Variants in FBXL17 observed in about 807,000 individuals in gnomAD.
FBXL17 encodes F-box/LRR-repeat protein 17.
A neutral mutation model predicts 66.2 loss-of-function variants in FBXL17; 22 were observed. That is an observed-to-expected ratio of 0.33 (90% CI 0.24 to 0.47). The LOEUF is 0.47. Among genes scored for constraint, FBXL17 ranks in the 20% least tolerant of loss-of-function variants. The pLI, the probability that FBXL17 is intolerant of heterozygous loss-of-function variation, is 1.00. For missense variants in FBXL17, 878 were observed against 948.2 expected (o/e 0.93, Z 0.97); for synonymous variants, 474 against 400.5 (o/e 1.18, Z -2.19).
intron 7 of FBXL17, among the ~76,000 whole-genome samples, chr5:107,921,865 G>C (rs904435170): frequency 6.6e-6 from 1 of 152,186 alleles, no homozygotes; most frequent in Non-Finnish European, 1.5e-5. Context: ...AGCACTTGCT[G>C]AATATAAAGC....
chr5:108,257,036 C>T (rs533086009), intron 4 of FBXL17, among the ~76,000 whole-genome samples: 1 of 152,300 alleles, frequency 6.6e-6, no homozygotes, highest in Non-Finnish European at 1.5e-5. Flanking sequence ...AGTTACCAGC[C>T]TCTGGCTGAA....
intron 7 of FBXL17, among the ~76,000 whole-genome samples, chr5:107,929,691 C>T (rs1396167362): frequency 6.6e-6 from 1 of 151,906 alleles, no homozygotes; most frequent in Non-Finnish European, 1.5e-5. Flanking sequence ...ATCCAGAGGA[C>T]CCCATAATGT....
At chr5:108,061,689 C>A (rs927366948) in intron 6 of FBXL17, among the ~76,000 whole-genome samples, 1 of 152,108 alleles carries the variant, frequency 6.6e-6, no homozygotes, top group African/African-American at 2.4e-5. Context: ...GACAAGAATG[C>A]ACTAGTACCT....
At chr5:107,879,140 C>T (rs1225449317) in intron 8 of FBXL17, 1 of 985,106 alleles carries the variant, frequency 1.0e-6, no homozygotes, top group African/African-American at 1.7e-5. Context: ...TAACATACAA[C>T]TTCTACAGTG....
chr5:108,369,337 T>G (rs1225025338), intron 1 of FBXL17, among the ~76,000 whole-genome samples: 1 of 152,186 alleles, frequency 6.6e-6, no homozygotes, highest in Non-Finnish European at 1.5e-5. Context: ...CGAACCAATG[T>G]ATATCTTATG....
intron 6 of FBXL17, among the ~76,000 whole-genome samples, chr5:108,159,146 C>T (rs989822534): frequency 6.6e-6 from 1 of 152,080 alleles, no homozygotes; most frequent in Admixed American, 6.6e-5. Flanking sequence ...GACAGTTACT[C>T]TAAACAGAGA....
intron 6 of FBXL17, among the ~76,000 whole-genome samples, chr5:108,174,579 T>A (rs1752722501): frequency 6.6e-6 from 1 of 152,124 alleles, no homozygotes. Flanking sequence ...ACCAGATAAT[T>A]GTTCTAATGT....
chr5:108,192,778 C>T (rs528398547), intron 5 of FBXL17, among the ~76,000 whole-genome samples: 13 of 151,796 alleles, frequency 8.6e-5, no homozygotes, highest in Non-Finnish European at 1.2e-4. Flanking sequence ...GGTGACAGAG[C>T]GAGATGAAAG....
At chr5:108,209,354 G>C (rs148922101) in intron 5 of FBXL17, among the ~76,000 whole-genome samples, 1,948 of 152,240 alleles carry the variant, frequency 0.013, 35 homozygotes, top group African/African-American at 0.043. Flanking sequence ...ATGTTGAAGA[G>C]GAGTGGTGAG....
At chr5:108,006,969 G>A (rs796684463) in intron 7 of FBXL17, among the ~76,000 whole-genome samples, 9 of 152,306 alleles carry the variant, frequency 5.9e-5, no homozygotes, top group African/African-American at 2.2e-4. Flanking sequence ...AAGACATCAG[G>A]AGCGTTCTTA....
At chr5:108,185,570 T>G (rs1232566221) in intron 6 of FBXL17, among the ~76,000 whole-genome samples, 4 of 152,084 alleles carry the variant, frequency 2.6e-5, no homozygotes, top group Non-Finnish European at 5.9e-5. Flanking sequence ...AATGCTAGAA[T>G]GGGCTAATAT....
At chr5:108,032,826 C>T (rs1277701753) in intron 6 of FBXL17, among the ~76,000 whole-genome samples, 1 of 152,098 alleles carries the variant, frequency 6.6e-6, no homozygotes, top group Admixed American at 6.6e-5. Flanking sequence ...GAAACTAATA[C>T]AGTGTCTAAG....
At chr5:108,184,349 C>G (rs1304839921) in intron 6 of FBXL17, among the ~76,000 whole-genome samples, 1 of 152,054 alleles carries the variant, frequency 6.6e-6, no homozygotes, top group Non-Finnish European at 1.5e-5. Context: ...CTCTATCACC[C>G]AGGCTGGAGT....
At chr5:108,302,070 A>G (rs572605452) in intron 4 of FBXL17, 1 of 978,764 alleles carries the variant, frequency 1.0e-6, no homozygotes, top group Non-Finnish European at 1.2e-6. Flanking sequence ...TCTGAAAAAC[A>G]TGCCACAAAT....
chr5:108,095,010 T>C (rs1392380565), intron 6 of FBXL17, among the ~76,000 whole-genome samples: 1 of 152,098 alleles, frequency 6.6e-6, no homozygotes, highest in Non-Finnish European at 1.5e-5. Flanking sequence ...AAAAACTTGC[T>C]TCTCTGGCCA....
intron 1 of FBXL17, among the ~76,000 whole-genome samples, chr5:108,376,985 TGTCCTGGGCA>T (rs1749470756): frequency 6.6e-6 from 1 of 152,158 alleles, no homozygotes; most frequent in South Asian, 2.1e-4. Context: ...GTGGAATCTG[TGTCCTGGGCA>T]GTGTGACTAC....
chr5:108,263,663 A>G (rs1313179031), intron 4 of FBXL17, among the ~76,000 whole-genome samples: 1 of 152,230 alleles, frequency 6.6e-6, no homozygotes, highest in Non-Finnish European at 1.5e-5. Context: ...TGTTGCAGAC[A>G]TCTTAAAAAA....
rs1383769892 is a variant in FBXL17 at position 108,382,024 on chromosome 5, G to A, written c.-333C>T. On this transcript the variant is annotated 5_prime_UTR_variant, in exon 1 of 9. Coordinates refer to ENST00000542267, the MANE Select transcript of FBXL17 (RefSeq NM_001163315.3). The stretch of plus-strand genomic sequence containing the variant: ...AGCCGGCTCAGTCAGTCAGCGGAGC[G>A]GCCGGGGAAAGGCCGGGTCCCGCTC... 1 of 1,085,336 alleles carries A rather than the reference G, an allele frequency of 9.2e-7. No individual in the cohort carries two copies. The highest frequency in any genetic ancestry group is 1.1e-6 in the Non-Finnish European group (1 of 882,812). 67.2% of individuals were successfully genotyped at this position (1,085,336 alleles called of 1,614,324 possible).
chr5:107,976,435 G>T (rs1752584596), intron 7 of FBXL17, among the ~76,000 whole-genome samples: 1 of 152,014 alleles, frequency 6.6e-6, no homozygotes, highest in African/African-American at 2.4e-5. Context: ...TTAGATAATG[G>T]ACAAAAAAGA....
Sources: gnomAD v4.1 joint callset for allele counts (sites outside exome capture counted in the v4.1 genomes callset) on GRCh38, gnomAD v4.1.1 for gene constraint, MANE v1.5 for transcripts, NCBI Gene and HGNC (gene_info 2026-07-23, HGNC 2026-07-21) for gene names.